The following ZNF385B variants were observed in gnomAD, a reference collection of about 807,000 sequenced individuals.
The protein encoded by ZNF385B is zinc finger protein 385B, also known as zinc finger protein 533.
ZNF385B carries 23 observed loss-of-function variants against 39.2 expected under a neutral mutation model. That is an observed-to-expected ratio of 0.59 (90% CI 0.42 to 0.83). ZNF385B has a LOEUF of 0.83. ZNF385B is among the 40% of genes least tolerant of loss of function. The pLI is 0.00. For missense variants in ZNF385B, 552 were observed against 598.9 expected (o/e 0.92, Z 0.82); for synonymous variants, 205 against 222.6 (o/e 0.92, Z 0.70).
chr2:179,538,732 T>A (rs191863038), intron 4 of ZNF385B, among the ~76,000 whole-genome samples: 3 of 152,328 alleles, frequency 2.0e-5, no homozygotes, highest in Admixed American at 6.5e-5. Context: ...AATTTCAAGG[T>A]AGGCAGTAAA....
intron 3 of ZNF385B, among the ~76,000 whole-genome samples, chr2:179,755,689 G>A (rs992076010): frequency 3.3e-5 from 5 of 152,120 alleles, no homozygotes; most frequent in Admixed American, 6.6e-5. Flanking sequence ...TTATGTAATG[G>A]CCTTCTATGT....
chr2:179,468,981 A>T (rs1035177264), intron 6 of ZNF385B, among the ~76,000 whole-genome samples: 1 of 152,218 alleles, frequency 6.6e-6, no homozygotes, highest in African/African-American at 2.4e-5. Flanking sequence ...ATTATAAAAA[A>T]ATTCTAATGT....
At chr2:179,855,326 T>G (rs1339071541) in intron 1 of ZNF385B, among the ~76,000 whole-genome samples, 3 of 152,236 alleles carry the variant, frequency 2.0e-5, no homozygotes, top group Non-Finnish European at 4.4e-5. Flanking sequence ...GAAATGTAAA[T>G]GCTTTGTACA....
chr2:179,788,201 G>A (rs763747179), intron 1 of ZNF385B, among the ~76,000 whole-genome samples: 13 of 151,938 alleles, frequency 8.6e-5, no homozygotes, highest in Admixed American at 7.2e-4. Flanking sequence ...ACACACATGC[G>A]TGCACACACA....
chr2:179,719,475 C>T (rs1007034990), intron 3 of ZNF385B, among the ~76,000 whole-genome samples: 29 of 152,256 alleles, frequency 1.9e-4, no homozygotes, highest in Middle Eastern at 3.4e-3. Flanking sequence ...GAGGCTATAA[C>T]GGCAGACGAA....
intron 1 of ZNF385B, among the ~76,000 whole-genome samples, chr2:179,783,945 C>A (rs1414040897): frequency 1.3e-5 from 2 of 152,092 alleles, no homozygotes; most frequent in Non-Finnish European, 2.9e-5. Context: ...GCAGAACTAC[C>A]ATTTGACCCA....
intron 3 of ZNF385B, among the ~76,000 whole-genome samples, chr2:179,623,312 G>A (rs1019753338): frequency 1.3e-5 from 2 of 151,240 alleles, no homozygotes; most frequent in South Asian, 2.1e-4. Flanking sequence ...TTAAACCTAT[G>A]TCTCCCTAGG....
At chr2:179,581,264 C>G (rs1439316100) in intron 3 of ZNF385B, among the ~76,000 whole-genome samples, 1 of 152,026 alleles carries the variant, frequency 6.6e-6, no homozygotes, top group Non-Finnish European at 1.5e-5. Context: ...CCTTTTTTAC[C>G]AAGCATGGTT....
At chr2:179,634,311 A>G (rs1264972687) in intron 3 of ZNF385B, among the ~76,000 whole-genome samples, 2 of 152,208 alleles carry the variant, frequency 1.3e-5, no homozygotes, top group Non-Finnish European at 2.9e-5. Flanking sequence ...TCATCTGACA[A>G]AGGGCTAACA....
chr2:179,712,980 A>G (rs1434704528), intron 3 of ZNF385B, among the ~76,000 whole-genome samples: 2 of 152,190 alleles, frequency 1.3e-5, no homozygotes. Context: ...AGGCTGGGCA[A>G]CAGCAGTGAG....
At chr2:179,696,263 T>A (rs1698731217) in intron 3 of ZNF385B, among the ~76,000 whole-genome samples, 1 of 148,900 alleles carries the variant, frequency 6.7e-6, no homozygotes, top group Non-Finnish European at 1.5e-5. Context: ...ACATACATTA[T>A]ATTTCACTAA....
chr2:179,599,613 C>T (rs925828833), intron 3 of ZNF385B, among the ~76,000 whole-genome samples: 1 of 152,078 alleles, frequency 6.6e-6, no homozygotes, highest in African/African-American at 2.4e-5. Context: ...CCTTCCATGT[C>T]GATACAGTGT....
At chr2:179,508,806 A>G (rs1046730345) in intron 5 of ZNF385B, among the ~76,000 whole-genome samples, 4 of 152,220 alleles carry the variant, frequency 2.6e-5, no homozygotes, top group African/African-American at 9.7e-5. Context: ...CATTGAACAC[A>G]TATAAATAGC....
intron 3 of ZNF385B, among the ~76,000 whole-genome samples, chr2:179,697,427 G>T (rs1698850972): frequency 6.6e-6 from 1 of 152,162 alleles, no homozygotes; most frequent in African/African-American, 2.4e-5. Flanking sequence ...CTGCTGCCTT[G>T]GGAAGAAGAT....
chr2:179,850,960 T>G (rs1684093198), intron 1 of ZNF385B, among the ~76,000 whole-genome samples: 1 of 152,228 alleles, frequency 6.6e-6, no homozygotes. Context: ...TTCCTTAACG[T>G]TAGAAGATAA....
chr2:179,514,609 A>G (rs1321635896), intron 5 of ZNF385B, among the ~76,000 whole-genome samples: 3 of 152,168 alleles, frequency 2.0e-5, no homozygotes, highest in Non-Finnish European at 2.9e-5. Context: ...GTATGCTACC[A>G]TTTACATAGA....
intron 1 of ZNF385B, among the ~76,000 whole-genome samples, chr2:179,822,379 A>T (rs1032792603): frequency 1.3e-5 from 2 of 152,392 alleles, no homozygotes; most frequent in South Asian, 4.1e-4. Flanking sequence ...TTGCTAAAGT[A>T]CTTTAACATT....
intron 1 of ZNF385B, among the ~76,000 whole-genome samples, chr2:179,828,529 T>C (rs1383385103): frequency 6.6e-6 from 1 of 152,204 alleles, no homozygotes; most frequent in East Asian, 1.9e-4. Context: ...TTATTCACTT[T>C]TTGTTTCAGA....
At chr2:179,615,677 T>C (rs951172350) in intron 3 of ZNF385B, among the ~76,000 whole-genome samples, 6 of 152,324 alleles carry the variant, frequency 3.9e-5, no homozygotes, top group Admixed American at 3.3e-4. Context: ...GAACAGTGTT[T>C]TTAGCACTGG....
Sources: gnomAD v4.1 joint callset for allele counts (sites outside exome capture counted in the v4.1 genomes callset) on GRCh38, gnomAD v4.1.1 for gene constraint, MANE v1.5 for transcripts, NCBI Gene and HGNC (gene_info 2026-07-23, HGNC 2026-07-21) for gene names.